ZNF282: variants seen among roughly 807,000 people sequenced by gnomAD.
ZNF282 encodes HTLV-I U5 repressive element-binding protein 1.
A neutral mutation model predicts 61.9 loss-of-function variants in ZNF282; 30 were observed. That is an observed-to-expected ratio of 0.48 (90% CI 0.36 to 0.66). The LOEUF is 0.66. ZNF282 is among the 30% of genes least tolerant of loss of function. The pLI is 0.00. For synonymous variants in ZNF282, 396 were observed against 405.0 expected (o/e 0.98, Z 0.27); for missense variants, 788 against 941.4 (o/e 0.84, Z 2.13).
rs146550692 is a variant in ZNF282, at chr7:149,207,352, C to A, written c.714C>A (p.Asp238Glu). The stretch of plus-strand genomic sequence containing the variant: ...TCCCTCCCTCCTCCTCACTTCCAGA[C>A]GCGGAGGGCTCAGTCCCCAAGCCAG... Reference protein sequence around the residue: ...KENYKTLMSLDAEGSVPKPDA... With the variant: ...KENYKTLMSLEAEGSVPKPDA... The change falls in exon 4 of 8, where the codon GAC (aspartate) becomes GAA (glutamate). Residue 238 changes from aspartate (D) to glutamate (E), a missense_variant and splice_region_variant. Around this residue, in one of 3 missense-constraint regions of ZNF282, gnomAD observed 559 missense variants for 642.0 expected, o/e 0.87. Coordinates refer to ENST00000610704, the MANE Select transcript of ZNF282 (RefSeq NM_003575.4). 6.3e-7 allele frequency: 1 copy of A among 1,587,564 alleles called. No individual in the cohort carries two copies. Among genetic ancestry groups the A allele is most frequent in the South Asian group, 1.1e-5 (1 of 87,374 alleles).
rs572459105 is a variant in ZNF282, at chr7:149,202,664, T to C, written c.585+3912T>C. On this transcript the variant is annotated intron_variant, in intron 2 of 7. Transcript: ENST00000610704. ...CAGGGTTTCACCATGTTGTCCAGGC[T>C]GGTCTCAAACTCCTGACCTCAAGTG... 2.0e-5 allele frequency among the ~76,000 whole-genome samples: 3 copies of C among 152,194 alleles called. No homozygotes were observed. In the South Asian group the frequency reaches 6.2e-4, roughly 32 times the overall value.
In ZNF282 at chr7:149,224,847, C is replaced by G. The variant is rs923181917; in HGVS notation, c.*200C>G. ...ACGCCCAGCTCATCTAGGGTGGACC[C>G]AGCTGCTGGGGAAGAGCCAGGGGGA... On this transcript the variant is annotated 3_prime_UTR_variant, in exon 8 of 8. Transcript: ENST00000610704. 3 of 1,033,074 alleles carry G rather than the reference C, an allele frequency of 2.9e-6. No individual in the cohort carries two copies. Among genetic ancestry groups the G allele is most frequent in the Non-Finnish European group, 4.0e-6 (3 of 741,750 alleles). 64.0% of individuals were successfully genotyped at this position (1,033,074 alleles called of 1,614,324 possible). A position where few individuals can be genotyped will look rare whatever the true frequency, so the allele number is the denominator to read the frequency against.
At chr7:149,206,200 G>C (rs1293497328) in intron 2 of ZNF282, among the ~76,000 whole-genome samples, 1 of 152,198 alleles carries the variant, frequency 6.6e-6, no homozygotes, top group Non-Finnish European at 1.5e-5. Flanking sequence ...ATCAAGATAG[G>C]GTAGTGAACG....
chr7:149,219,742 G>A lies in ZNF282; in HGVS notation c.1181-4070G>A, dbSNP rs534164876. ...GGCATCTGTAATCCCAGCTACTTGG[G>A]AGGCTGAGGCAAGAGAATCGCTTGA... On this transcript the variant is annotated intron_variant, in intron 7 of 7. Coordinates refer to ENST00000610704, the MANE Select transcript of ZNF282 (RefSeq NM_003575.4). Among the ~76,000 whole-genome samples the A allele has an allele frequency of 1.5e-4, 23 of 152,304 alleles. No individual in the cohort carries two copies. In the South Asian group the frequency reaches 4.6e-3, roughly 30 times the overall value.
intron 7 of ZNF282, among the ~76,000 whole-genome samples, chr7:149,214,216 T>G (rs1337266446): frequency 6.6e-6 from 1 of 152,200 alleles, no homozygotes; most frequent in African/African-American, 2.4e-5. Flanking sequence ...GATGCGTTGC[T>G]GCAAGCCTCT....
Position 149,224,303 on chromosome 7 carries a change from C to A in ZNF282, c.1672C>A (p.His558Asn). The A allele has an allele frequency of 6.2e-7, 1 of 1,613,434 alleles. No homozygotes were observed. The highest frequency in any genetic ancestry group is 8.5e-7 in the Non-Finnish European group (1 of 1,179,886). ...CAECEKSFNC[H>N]SGLIRHQMTH... ...TGAGTGCGAGAAGAGCTTCAACTGC[C>A]ACTCGGGCCTCATCCGCCACCAGAT... The change falls in exon 8 of 8, where the codon CAC becomes AAC. Residue 558 changes from histidine to asparagine, a missense_variant. Physicochemically the swap from His to Asn is moderately conservative, Grantham distance 68. This residue lies in a region of ZNF282 where 559 missense variants were observed against 642.0 expected (regional missense o/e 0.87). Coordinates refer to ENST00000610704, the MANE Select transcript of ZNF282 (RefSeq NM_003575.4).
chr7:149,218,929 C>T (rs2129523646), intron 7 of ZNF282, among the ~76,000 whole-genome samples: 1 of 152,318 alleles, frequency 6.6e-6, no homozygotes. Flanking sequence ...ATTGTTCCCT[C>T]CCTGTGGAGT....
chr7:149,209,133 A>C (rs2129523351), intron 4 of ZNF282, among the ~76,000 whole-genome samples: 1 of 151,640 alleles, frequency 6.6e-6, no homozygotes, highest in African/African-American at 2.4e-5. Context: ...CCTGGCTAAC[A>C]CGGTGAAACC....
At chr7:149,205,477 G>A (rs559816037) in intron 2 of ZNF282, among the ~76,000 whole-genome samples, 2 of 152,110 alleles carry the variant, frequency 1.3e-5, no homozygotes, top group Non-Finnish European at 2.9e-5. Flanking sequence ...TGAAGAAAGG[G>A]ATCTGTATTA....
At chr7:149,206,054 G>A (rs1024318263) in intron 2 of ZNF282, among the ~76,000 whole-genome samples, 8 of 152,112 alleles carry the variant, frequency 5.3e-5, no homozygotes, top group East Asian at 3.8e-4. Flanking sequence ...TAACAGATCC[G>A]AACACACTTG....
At position 149,207,219 on chromosome 7, in the gene ZNF282, C is replaced by T. The variant is rs988229582; in HGVS notation, c.713-132C>T. On this transcript the variant is annotated intron_variant, in intron 3 of 7. Transcript: ENST00000610704. The stretch of plus-strand genomic sequence containing the variant: ...TCGTTTTCAGATTACCCGCCTAACT[C>T]GCATAACTGCTGCCAAAGAGGGACA... The T allele has an allele frequency of 6.8e-6, 8 of 1,167,920 alleles. No homozygotes were observed. In the African/African-American group the frequency reaches 7.1e-5, roughly 10 times the overall value. 72.3% of individuals were successfully genotyped at this position (1,167,920 alleles called of 1,614,324 possible). A position where few individuals can be genotyped will look rare whatever the true frequency, so the allele number is the denominator to read the frequency against.
chr7:149,205,411 C>G (rs1795977246), intron 2 of ZNF282, among the ~76,000 whole-genome samples: 1 of 152,040 alleles, frequency 6.6e-6, no homozygotes, highest in African/African-American at 2.4e-5. Context: ...GCACTCCAGT[C>G]TGGGCGACAG....
intron 4 of ZNF282, among the ~76,000 whole-genome samples, chr7:149,208,737 G>A (rs535198532): frequency 1.5e-4 from 23 of 151,158 alleles, no homozygotes; most frequent in African/African-American, 4.9e-4. Context: ...CCCCACACCC[G>A]GCAGGGCACG....
intron 7 of ZNF282, 107 bp downstream of exon 7, chr7:149,213,921 G>C: frequency 8.3e-6 from 6 of 720,480 alleles, no homozygotes; most frequent in Non-Finnish European, 1.2e-5. Context: ...GTAGGGTGAT[G>C]TTCTGTTGAT....
chr7:149,216,282 G>A (rs1796160097), intron 7 of ZNF282, among the ~76,000 whole-genome samples: 1 of 152,022 alleles, frequency 6.6e-6, no homozygotes, highest in Non-Finnish European at 1.5e-5. Context: ...AAAATGTTTT[G>A]TAGAGATAGG....
At chr7:149,214,785 C>T (rs1219112633) in intron 7 of ZNF282, among the ~76,000 whole-genome samples, 13 of 152,074 alleles carry the variant, frequency 8.5e-5, no homozygotes, top group Admixed American at 7.9e-4. Flanking sequence ...ATGAGCCATG[C>T]TTGCACCACT....
chr7:149,211,984 T>A (rs142191557), intron 5 of ZNF282, among the ~76,000 whole-genome samples: 9 of 152,284 alleles, frequency 5.9e-5, no homozygotes, highest in African/African-American at 2.2e-4. Context: ...ACAACTATAA[T>A]TTGTCAATAT....
At chr7:149,204,154 A>T (rs1428485490) in intron 2 of ZNF282, among the ~76,000 whole-genome samples, 1 of 152,042 alleles carries the variant, frequency 6.6e-6, no homozygotes, top group Non-Finnish European at 1.5e-5. Context: ...TTGGGGGAGG[A>T]AGAGGAAAAA....
intron 5 of ZNF282, 148 bp downstream of exon 5, chr7:149,210,852 C>A: frequency 8.2e-7 from 1 of 1,224,876 alleles, no homozygotes; most frequent in Non-Finnish European, 1.1e-6. Context: ...CAGGGCTGGG[C>A]TGAGCCAGGA....
Sources: allele counts gnomAD v4.1 joint callset (sites outside exome capture counted in the v4.1 genomes callset), GRCh38; gene constraint gnomAD v4.1.1; regional missense constraint gnomAD v4.1.1; transcripts MANE v1.5; gene names NCBI Gene and HGNC (gene_info 2026-07-23, HGNC 2026-07-21).